DOCK11: variants seen among roughly 807,000 people sequenced by gnomAD.
DOCK11 encodes dedicator of cytokinesis 11, also known as dedicator of cytokinesis protein 11.
Under a neutral mutation model 169.1 loss-of-function variants are expected in DOCK11, and 70 were observed. The observed-to-expected ratio is 0.41, with a 90% CI of 0.34 to 0.51. The LOEUF is 0.51. Among genes scored for constraint, DOCK11 ranks in the 20% least tolerant of loss-of-function variants. DOCK11 has a pLI of 0.10. For synonymous variants in DOCK11, 529 were observed against 541.3 expected, an observed-to-expected ratio of 0.98 and a Z score of 0.32; for missense variants, 1,166 against 1,538.8, an observed-to-expected ratio of 0.76 and a Z score of 4.05.
intron 44 of DOCK11, among the ~76,000 whole-genome samples, chrX:118,656,884 A>G (rs965949263): frequency 9.0e-6 from 1 of 111,563 alleles, no homozygotes; most frequent in Non-Finnish European, 1.9e-5. Flanking sequence ...GTGAGCCAAG[A>G]TCACGCCACT....
At chrX:118,627,689 T>G (rs2015143464) in intron 33 of DOCK11, 110 bp downstream of exon 33, 14 of 540,575 alleles carry the variant, frequency 2.6e-5, no homozygotes, top group Non-Finnish European at 4.2e-5. Context: ...TAGCTTGATC[T>G]CTACTAAAGT....
rs767365115 is a variant in DOCK11, at chrX:118,599,232, A to C, written c.2562+4A>C. The C allele has an allele frequency of 8.5e-7, 1 of 1,174,215 alleles. No individual in the cohort carries two copies. Among genetic ancestry groups the C allele is most frequent in the South Asian group, 1.8e-5 (1 of 54,661 alleles). Reference sequence around the variant, plus strand: ...GGAGCTCATTAAATATTTAAAGGTAAATGAACAGCAGCTTTCTGCAAAACG... The same window carrying C: ...GGAGCTCATTAAATATTTAAAGGTACATGAACAGCAGCTTTCTGCAAAACG... On this transcript the variant is annotated splice_donor_region_variant and intron_variant, in intron 23 of 52. Transcript: ENST00000276202.
At chrX:118,508,473 G>A (rs5957018) in intron 1 of DOCK11, among the ~76,000 whole-genome samples, 2,743 of 111,490 alleles carry the variant, frequency 0.025, 85 homozygotes, top group African/African-American at 0.084. Flanking sequence ...AGGTGAACAC[G>A]TTCCTAATGC....
chrX:118,501,845 C>T (rs752317533), intron 1 of DOCK11, among the ~76,000 whole-genome samples: 7 of 111,578 alleles, frequency 6.3e-5, no homozygotes, highest in African/African-American at 1.3e-4. Flanking sequence ...CCCATGCCAA[C>T]GCTTGTTAGT....
rs756599928 is a variant in DOCK11, at chrX:118,600,173, C to T, written c.2562+945C>T. 4.5e-5 allele frequency among the ~76,000 whole-genome samples: 5 copies of T among 110,790 alleles called. No homozygotes were observed. The East Asian group carries it at 1.4e-3, about 32-fold the overall frequency. ...CTATAATCCCAGCACTTTGGGAGGCCGAGGCAGGAGATTGCTTGAGCTCAG... is the reference window on the plus strand; with the variant it reads ...CTATAATCCCAGCACTTTGGGAGGCTGAGGCAGGAGATTGCTTGAGCTCAG... On this transcript the variant is annotated intron_variant, in intron 23 of 52. Coordinates refer to ENST00000276202, the MANE Select transcript of DOCK11 (RefSeq NM_144658.4).
At chrX:118,602,086 G>A (rs939956037) in intron 23 of DOCK11, among the ~76,000 whole-genome samples, 52 of 97,403 alleles carry the variant, frequency 5.3e-4, no homozygotes, top group African/African-American at 1.8e-3. Flanking sequence ...CACCATGCCC[G>A]GCCAAGACTT....
chrX:118,599,276 C>A, intron 23 of DOCK11, 48 bp downstream of exon 23: 1 of 952,178 alleles, frequency 1.1e-6, no homozygotes, highest in East Asian at 3.2e-5. Context: ...TCATGTCTTT[C>A]TGTTGCCACA....
At chrX:118,661,081 C>T (rs991634286) in intron 44 of DOCK11, among the ~76,000 whole-genome samples, 2 of 108,847 alleles carry the variant, frequency 1.8e-5, no homozygotes, top group Non-Finnish European at 3.8e-5. Context: ...TGGTGGCTTG[C>T]ACCAGTAGTC....
intron 12 of DOCK11, among the ~76,000 whole-genome samples, chrX:118,576,159 C>T (rs972999490): frequency 2.7e-5 from 3 of 111,662 alleles, no homozygotes; most frequent in South Asian, 3.7e-4. Flanking sequence ...AATTAAGTGC[C>T]GAAATATATA....
At chrX:118,614,264 C>G (rs913379491) in intron 28 of DOCK11, among the ~76,000 whole-genome samples, 2 of 111,741 alleles carry the variant, frequency 1.8e-5, no homozygotes, top group African/African-American at 6.5e-5. Flanking sequence ...GCCTCACTTT[C>G]ATCAGCTAAC....
chrX:118,538,660 G>A lies in DOCK11; in HGVS notation c.103-4065G>A, dbSNP rs949822754. 5.4e-5 allele frequency: 40 copies of A among 744,929 alleles called. No homozygotes were observed. In the African/African-American group the frequency reaches 8.9e-4, roughly 16 times the overall value. The allele number at this position is 744,929 out of a possible 1,213,427, so 61.4% of individuals were successfully genotyped here. On this transcript the variant is annotated intron_variant, in intron 1 of 52. Transcript: ENST00000276202. ...TTCGCCTTTTACTTAGCACTGCTCCGGAACTGTATGGAAGTTGCTATTATT... is the reference window on the plus strand; with the variant it reads ...TTCGCCTTTTACTTAGCACTGCTCCAGAACTGTATGGAAGTTGCTATTATT...
intron 1 of DOCK11, among the ~76,000 whole-genome samples, chrX:118,536,584 C>T (rs5957022): frequency 0.3 from 33,030 of 110,636 alleles, 3,759 homozygotes; most frequent in Non-Finnish European, 0.35. Flanking sequence ...GGGACTCACA[C>T]ATTTTAGTGT....
chrX:118,643,934 AC>A (rs1168063981), intron 40 of DOCK11, among the ~76,000 whole-genome samples: 2 of 111,673 alleles, frequency 1.8e-5, no homozygotes, highest in African/African-American at 6.5e-5. Flanking sequence ...CCATGAGTGC[AC>A]TCATGTCTAA....
At chrX:118,585,357 A>G (rs2013785935) in intron 16 of DOCK11, among the ~76,000 whole-genome samples, 1 of 108,367 alleles carries the variant, frequency 9.2e-6, no homozygotes, top group Non-Finnish European at 1.9e-5. Context: ...GCTCTAGGGA[A>G]GAGCCATTCC....
chrX:118,545,282 T>G (rs756254195), intron 4 of DOCK11, 41 bp from the exon 5 acceptor site: 1 of 886,247 alleles, frequency 1.1e-6, no homozygotes, highest in East Asian at 3.4e-5. Context: ...TTTTTTTTTT[T>G]GGTCTTTTTA....
chrX:118,685,931 G>A lies in DOCK11; in HGVS notation c.*124G>A. 3.2e-6 allele frequency: 3 copies of A among 929,264 alleles called. No individual in the cohort carries two copies. Among genetic ancestry groups the A allele is most frequent in the South Asian group, 6.4e-5 (2 of 31,237 alleles). The allele number at this position is 929,264 out of a possible 1,213,427, so 76.6% of individuals were successfully genotyped here. ...TTCTTCTCGACACCAAAATTTTCAT[G>A]TGTTCCAACAGGGTGCTTACATATT... On this transcript the variant is annotated 3_prime_UTR_variant, in exon 53 of 53. Transcript: ENST00000276202.
chrX:118,580,222 T>C, intron 14 of DOCK11, 43 bp downstream of exon 14: 1 of 1,113,955 alleles, frequency 9.0e-7, no homozygotes, highest in Non-Finnish European at 1.2e-6. Flanking sequence ...CGTGTTCATA[T>C]GTGAAGTTAA....
intron 1 of DOCK11, among the ~76,000 whole-genome samples, chrX:118,532,973 ATTTGTTTG>A (rs958636609): frequency 1.8e-5 from 2 of 110,577 alleles, no homozygotes; most frequent in African/African-American, 6.6e-5. Flanking sequence ...TTATTTATTT[ATTTGTTTG>A]TTTGTTTGTT....
intron 1 of DOCK11, among the ~76,000 whole-genome samples, chrX:118,496,524 C>G (rs995401729): frequency 8.9e-6 from 1 of 112,702 alleles, no homozygotes; most frequent in Non-Finnish European, 1.9e-5. Context: ...CACACACTCT[C>G]GCGCGCACAC....
Sources: gnomAD v4.1 joint callset for allele counts (sites outside exome capture counted in the v4.1 genomes callset) on GRCh38, gnomAD v4.1.1 for gene constraint, MANE v1.5 for transcripts, NCBI Gene and HGNC (gene_info 2026-07-23, HGNC 2026-07-21) for gene names.